NTM: variants seen among roughly 807,000 people sequenced by gnomAD.
NTM encodes the protein neurotrimin, also known as IgLON family member 2.
NTM carries 13 observed loss-of-function variants against 42.1 expected under a neutral mutation model. The ratio of observed to expected loss-of-function variants is 0.31; its 90% CI spans 0.20 to 0.49. NTM has a LOEUF of 0.49. Ranked by LOEUF, NTM falls within the 20% of genes least tolerant of loss-of-function variation. The pLI is 0.99. For missense variants in NTM, 373 were observed against 452.8 expected (o/e 0.82, Z 1.60); for synonymous variants, 187 against 179.2 (o/e 1.04, Z -0.35).
At chr11:131,452,793 C>T (rs1950580952) in intron 1 of NTM, among the ~76,000 whole-genome samples, 1 of 152,190 alleles carries the variant, frequency 6.6e-6, no homozygotes, top group Non-Finnish European at 1.5e-5. Flanking sequence ...AGAATCAGGC[C>T]ACACAGGTGC....
At chr11:131,643,317 G>A (rs182836246) in intron 1 of NTM, among the ~76,000 whole-genome samples, 53 of 152,322 alleles carry the variant, frequency 3.5e-4, no homozygotes, top group East Asian at 3.3e-3. Context: ...TGTTCTGGCC[G>A]TGCCAGTCGT....
At chr11:132,250,436 T>C (rs2091807159) in intron 4 of NTM, among the ~76,000 whole-genome samples, 2 of 152,174 alleles carry the variant, frequency 1.3e-5, no homozygotes, top group Non-Finnish European at 2.9e-5. Flanking sequence ...TTCTGGAAAA[T>C]TCTCAGCCAT....
chr11:132,165,700 T>C (rs1201153521), intron 3 of NTM, among the ~76,000 whole-genome samples: 2 of 152,150 alleles, frequency 1.3e-5, no homozygotes, highest in African/African-American at 4.8e-5. Flanking sequence ...CCTTATCTAC[T>C]ATTGGAAGAA....
intron 7 of NTM, among the ~76,000 whole-genome samples, chr11:132,319,136 TGAG>T (rs547071007): frequency 4.1e-4 from 63 of 152,270 alleles, no homozygotes; most frequent in Non-Finnish European, 6.8e-4. Flanking sequence ...GGCTAACAGC[TGAG>T]GAGCCAAGAT....
chr11:132,314,310 G>T (rs2095365361), intron 6 of NTM, among the ~76,000 whole-genome samples: 1 of 152,192 alleles, frequency 6.6e-6, no homozygotes, highest in South Asian at 2.1e-4. Flanking sequence ...TGAGAGGCTA[G>T]GGAGATCAGA....
intron 2 of NTM, among the ~76,000 whole-genome samples, chr11:132,104,961 ATATATATATATATATATATATATATATAT>A (rs1243261147): frequency 1.8e-5 from 2 of 110,876 alleles, no homozygotes; most frequent in Non-Finnish European, 3.7e-5. Flanking sequence ...ATATATATAT[ATATATATATATATATATATATATATATAT>A]ATTTCATGGG....
At chr11:131,472,287 G>A (rs1388493777) in intron 1 of NTM, among the ~76,000 whole-genome samples, 1 of 152,174 alleles carries the variant, frequency 6.6e-6, no homozygotes, top group African/African-American at 2.4e-5. Flanking sequence ...GGGCTCTCCG[G>A]TACCACTCTT....
intron 1 of NTM, among the ~76,000 whole-genome samples, chr11:131,511,055 T>A (rs1040840083): frequency 6.8e-6 from 1 of 147,650 alleles, no homozygotes; most frequent in Non-Finnish European, 1.5e-5. Flanking sequence ...GTTAAAAAAA[T>A]GGATTTTGAA....
chr11:131,730,543 G>T (rs571962464), intron 1 of NTM, among the ~76,000 whole-genome samples: 42 of 151,974 alleles, frequency 2.8e-4, no homozygotes, highest in African/African-American at 1.0e-3. Flanking sequence ...AGTGAGTGAG[G>T]CCTGGTCTTT....
At chr11:132,301,512 G>A (rs535126457) in intron 4 of NTM, among the ~76,000 whole-genome samples, 5 of 152,182 alleles carry the variant, frequency 3.3e-5, no homozygotes, top group South Asian at 2.1e-4. Context: ...TTGAGGAAGA[G>A]GAGTCTCACC....
intron 1 of NTM, among the ~76,000 whole-genome samples, chr11:131,645,329 G>A (rs75874769): frequency 0.028 from 4,337 of 152,208 alleles, 227 homozygotes; most frequent in African/African-American, 0.098. Context: ...CTCGCCGTGC[G>A]TTTGCTCTTC....
At chr11:131,839,564 G>C (rs1015794300) in intron 1 of NTM, among the ~76,000 whole-genome samples, 3 of 152,174 alleles carry the variant, frequency 2.0e-5, no homozygotes, top group Non-Finnish European at 4.4e-5. Flanking sequence ...AGATTAGTGG[G>C]AGTTAAGGAA....
At chr11:131,696,555 T>A (rs1233283962) in intron 1 of NTM, among the ~76,000 whole-genome samples, 2 of 152,162 alleles carry the variant, frequency 1.3e-5, no homozygotes, top group South Asian at 2.1e-4. Flanking sequence ...TCCTTTTCTT[T>A]CGTACACCCT....
chr11:131,510,066 C>T (rs1010337505), intron 1 of NTM, among the ~76,000 whole-genome samples: 3 of 151,992 alleles, frequency 2.0e-5, no homozygotes, highest in Non-Finnish European at 4.4e-5. Context: ...GAGCTCCTGG[C>T]GGTGCCTGTG....
At chr11:131,776,706 C>T (rs2087048159) in intron 1 of NTM, among the ~76,000 whole-genome samples, 1 of 152,022 alleles carries the variant, frequency 6.6e-6, no homozygotes, top group Non-Finnish European at 1.5e-5. Flanking sequence ...GTTTATTTTT[C>T]CCTATACATA....
Position 131,881,509 on chromosome 11 carries a change from C to CACA in NTM, c.83-30055_83-30054insACA, listed in dbSNP as rs372489485. ...ACACACACACACACACACACACACACCCCCCAAAGCTTTGACGCAGAGGAG... is the reference window on the plus strand; with the variant it reads ...ACACACACACACACACACACACACACACACCCCCAAAGCTTTGACGCAGAGGAG... On this transcript the variant is annotated intron_variant, in intron 1 of 8. Transcript: ENST00000683400. Among the ~76,000 whole-genome samples the CACA allele has an allele frequency of 4.1e-5, 6 of 145,618 alleles. 1 individual carries two copies. Among genetic ancestry groups the CACA allele is most frequent in the Non-Finnish European group, 7.6e-5 (5 of 65,884 alleles).
chr11:132,067,265 T>A (rs765024191), intron 2 of NTM, among the ~76,000 whole-genome samples: 34 of 152,228 alleles, frequency 2.2e-4, no homozygotes, highest in Non-Finnish European at 4.4e-4. Flanking sequence ...TTGTGGAATA[T>A]TTTTTAGCCT....
chr11:132,025,531 G>A (rs572093346), intron 2 of NTM, among the ~76,000 whole-genome samples: 6 of 152,246 alleles, frequency 3.9e-5, no homozygotes, highest in Admixed American at 3.3e-4. Flanking sequence ...GAAATTCTTG[G>A]GGTTGAGTCA....
Position 132,146,204 on chromosome 11 carries a change from C to G in NTM, c.168-78C>G, listed in dbSNP as rs2070374944. 1.1e-5 allele frequency: 18 copies of G among 1,565,346 alleles called. No homozygotes were observed. Among genetic ancestry groups the G allele is most frequent in the East Asian group, 2.3e-5 (1 of 43,758 alleles). On this transcript the variant is annotated intron_variant, in intron 2 of 8. Coordinates refer to ENST00000683400, the MANE Select transcript of NTM (RefSeq NM_001352005.2). This position sits in a 1 kb window ranked among gnomAD's most constrained non-coding sequence, Gnocchi z 4.5. ...AAGGGAGAAAGACAAGATATTCTAG[C>G]CTTGCCATGAGGACCTCCCTCTGAT... is the stretch of plus-strand genomic sequence containing the variant.
Sources: allele counts gnomAD v4.1 joint callset (sites outside exome capture counted in the v4.1 genomes callset), GRCh38; gene constraint gnomAD v4.1.1; non-coding constraint Gnocchi (gnomAD v3.1); transcripts MANE v1.5; gene names NCBI Gene and HGNC (gene_info 2026-07-23, HGNC 2026-07-21).